The following PLXNA4 variants were observed in gnomAD, a reference collection of about 807,000 sequenced individuals.
PLXNA4 encodes the protein plexin-A4.
A neutral mutation model predicts 191.8 loss-of-function variants in PLXNA4; 44 were observed. That is an observed-to-expected ratio of 0.23 (90% CI 0.18 to 0.29). The LOEUF (loss-of-function observed/expected upper bound fraction) is 0.29, where lower values mean the gene tolerates loss of function less well. Among genes scored for constraint, PLXNA4 ranks in the 10% least tolerant of loss-of-function variants. The pLI is 1.00. For missense variants in PLXNA4, 1,800 were observed against 2,488.8 expected, an observed-to-expected ratio of 0.72 and a Z score of 5.89; for synonymous variants, 1,082 against 1,009.5, an observed-to-expected ratio of 1.07 and a Z score of -1.36.
intron 3 of PLXNA4, among the ~76,000 whole-genome samples, chr7:132,456,717 G>A (rs955546598): frequency 6.6e-6 from 1 of 151,568 alleles, no homozygotes; most frequent in African/African-American, 2.4e-5. Context: ...GGGAGGGGAG[G>A]AGGGCTGGGG....
intron 3 of PLXNA4, among the ~76,000 whole-genome samples, chr7:132,391,455 C>T (rs1805408464): frequency 6.6e-6 from 1 of 152,218 alleles, no homozygotes; most frequent in African/African-American, 2.4e-5. Context: ...TGGGCAACCT[C>T]AAGGGATAGT....
intron 3 of PLXNA4, among the ~76,000 whole-genome samples, chr7:132,351,071 T>G (rs1393416687): frequency 6.6e-6 from 1 of 152,222 alleles, no homozygotes; most frequent in South Asian, 2.1e-4. Context: ...TTATACACAA[T>G]GTCCAGAATA....
intron 1 of PLXNA4, among the ~76,000 whole-genome samples, chr7:132,521,716 G>A (rs188464319): frequency 9.7e-4 from 147 of 152,138 alleles, no homozygotes; most frequent in African/African-American, 3.2e-3. Flanking sequence ...TCACAAAACC[G>A]GGCACAGAAG....
chr7:132,530,809 G>C (rs1250441288), intron 1 of PLXNA4, among the ~76,000 whole-genome samples: 6 of 152,168 alleles, frequency 3.9e-5, no homozygotes, highest in Non-Finnish European at 1.5e-5. Flanking sequence ...ACGTTCAAGA[G>C]TTAAAAGATA....
intron 2 of PLXNA4, among the ~76,000 whole-genome samples, chr7:132,632,102 G>A (rs1441757555): frequency 1.3e-5 from 2 of 152,232 alleles, no homozygotes; most frequent in Non-Finnish European, 2.9e-5. Flanking sequence ...CAGGCGTGGT[G>A]GCACACACCT....
At chr7:132,399,457 C>T (rs1014834302) in intron 3 of PLXNA4, among the ~76,000 whole-genome samples, 5 of 152,074 alleles carry the variant, frequency 3.3e-5, no homozygotes, top group South Asian at 2.1e-4. Flanking sequence ...ATAAGAGTCA[C>T]GTTATATTAA....
intron 2 of PLXNA4, among the ~76,000 whole-genome samples, chr7:132,640,230 A>G (rs1450332373): frequency 2.0e-5 from 3 of 152,244 alleles, no homozygotes; most frequent in African/African-American, 4.8e-5. Flanking sequence ...GCTGGGGTAC[A>G]CAGTGACCAG....
chr7:132,385,171 C>T lies in PLXNA4; in HGVS notation c.1372-86949G>A, dbSNP rs774123583. The T allele has an allele frequency of 3.7e-6, 6 of 1,613,602 alleles. No homozygotes were observed. In the Admixed American group the frequency reaches 5.0e-5, roughly 13 times the overall value. On this transcript the variant is annotated intron_variant, in intron 3 of 31. Coordinates refer to ENST00000321063, the MANE Select transcript of PLXNA4 (RefSeq NM_020911.2). ...TGACAACACACTAAATAAGCCTACA[C>T]AGCTCTGAAGTTTTTCTCAGTTTGA... is the stretch of plus-strand genomic sequence containing the variant.
chr7:132,623,661 T>G (rs962960592), intron 2 of PLXNA4, among the ~76,000 whole-genome samples: 2 of 152,210 alleles, frequency 1.3e-5, no homozygotes, highest in African/African-American at 4.8e-5. Flanking sequence ...CCCTCCTGTT[T>G]GCTCTACCCC....
chr7:132,174,516 C>T (rs980346172), intron 21 of PLXNA4, among the ~76,000 whole-genome samples: 3 of 152,142 alleles, frequency 2.0e-5, no homozygotes, highest in Non-Finnish European at 4.4e-5. Context: ...GGGAGAGGGT[C>T]ATCAACTACT....
intron 31 of PLXNA4, among the ~76,000 whole-genome samples, chr7:132,132,661 T>C (rs1795003008): frequency 6.6e-6 from 1 of 151,944 alleles, no homozygotes; most frequent in African/African-American, 2.4e-5. Flanking sequence ...TTCTACAACA[T>C]ACCATATCAT....
chr7:132,322,410 T>C (rs556652032), intron 3 of PLXNA4, among the ~76,000 whole-genome samples: 1 of 152,304 alleles, frequency 6.6e-6, no homozygotes, highest in African/African-American at 2.4e-5. Flanking sequence ...CTTGAACTCC[T>C]GGCCTCAAGT....
rs959567643 is a variant in PLXNA4 at position 132,199,892 on chromosome 7, C to T, written c.2587-1256G>A. 3.9e-5 allele frequency among the ~76,000 whole-genome samples: 6 copies of T among 152,194 alleles called. No homozygotes were observed. In the South Asian group the frequency reaches 1.2e-3, roughly 32 times the overall value. ...GAGTGAGCGTGTGCAGGGGTGTGAG[C>T]CTGTGCATAAGTATATTCCCATTGC... On this transcript the variant is annotated intron_variant, in intron 12 of 31. Transcript: ENST00000321063.
At chr7:132,502,256 C>T (rs1311816592) in intron 2 of PLXNA4, among the ~76,000 whole-genome samples, 1 of 152,152 alleles carries the variant, frequency 6.6e-6, no homozygotes, top group Admixed American at 6.5e-5. Flanking sequence ...CTGCTCAGGA[C>T]TGCCATGCCT....
intron 1 of PLXNA4, among the ~76,000 whole-genome samples, chr7:132,522,130 C>T (rs554834165): frequency 6.6e-6 from 1 of 152,268 alleles, no homozygotes; most frequent in Non-Finnish European, 1.5e-5. Flanking sequence ...TCTTCTGAAT[C>T]CACTCTGTGG....
intron 3 of PLXNA4, among the ~76,000 whole-genome samples, chr7:132,425,171 T>G (rs941200860): frequency 2.0e-5 from 3 of 152,218 alleles, no homozygotes; most frequent in Non-Finnish European, 4.4e-5. Context: ...CTTCTACGTC[T>G]CCCTAGTGCC....
intron 5 of PLXNA4, among the ~76,000 whole-genome samples, chr7:132,236,160 G>A (rs1359123853): frequency 6.6e-6 from 1 of 152,144 alleles, no homozygotes; most frequent in African/African-American, 2.4e-5. Flanking sequence ...CAACCCACCT[G>A]GGACTTTGCT....
chr7:132,147,729 C>T (rs960009266), intron 27 of PLXNA4, among the ~76,000 whole-genome samples, 171 bp downstream of exon 27: 1 of 152,098 alleles, frequency 6.6e-6, no homozygotes, highest in South Asian at 2.1e-4. Context: ...TCAGAGTGCC[C>T]GACTGAAACC....
At chr7:132,400,787 T>C (rs1162738383) in intron 3 of PLXNA4, among the ~76,000 whole-genome samples, 2 of 152,212 alleles carry the variant, frequency 1.3e-5, no homozygotes, top group Non-Finnish European at 2.9e-5. Context: ...TGCGCACAGC[T>C]TGTGGGAGAC....
Sources: allele counts gnomAD v4.1 joint callset (sites outside exome capture counted in the v4.1 genomes callset), GRCh38; gene constraint gnomAD v4.1.1; transcripts MANE v1.5; gene names NCBI Gene and HGNC (gene_info 2026-07-23, HGNC 2026-07-21).